Variants in DIS3L2 observed in about 807,000 individuals in gnomAD.
DIS3L2 encodes DIS3 like 3'-5' exoribonuclease 2.
Under a neutral mutation model 97.5 loss-of-function variants are expected in DIS3L2, and 34 were observed. That is an observed-to-expected ratio of 0.35 (90% confidence interval 0.27 to 0.46). The LOEUF (loss-of-function observed/expected upper bound fraction) is 0.46, where lower values mean the gene tolerates loss of function less well. DIS3L2 is among the 20% of genes least tolerant of loss of function. The probability of loss-of-function intolerance (pLI) is 1.00; values close to 1 mark genes in which losing one functional copy is unlikely to be tolerated. For synonymous variants in DIS3L2, 435 were observed against 445.2 expected, an observed-to-expected ratio of 0.98 and a Z score of 0.29; for missense variants, 1,038 against 1,146.0, an observed-to-expected ratio of 0.91 and a Z score of 1.36.
In DIS3L2 at chr2:232,074,510, A is replaced by G. The variant is rs923381419; in HGVS notation, c.367-12977A>G. Reference sequence around the variant, plus strand: ...TATAAAAATGAATGTAATGTGGTTTACTGTCTAGTGGAAGAAAAAATATGC... The same window carrying G: ...TATAAAAATGAATGTAATGTGGTTTGCTGTCTAGTGGAAGAAAAAATATGC... On this transcript the variant is annotated intron_variant, in intron 5 of 20. Transcript: ENST00000325385. Among the ~76,000 whole-genome samples, 14 of 151,594 alleles carry G rather than the reference A, an allele frequency of 9.2e-5. No individual in the cohort carries two copies. In the South Asian group the frequency reaches 1.7e-3, roughly 18 times the overall value.
chr2:232,077,179 C>G (rs1696216279), intron 5 of DIS3L2, among the ~76,000 whole-genome samples: 1 of 152,072 alleles, frequency 6.6e-6, no homozygotes, highest in East Asian at 1.9e-4. Flanking sequence ...ATGGGTCCTG[C>G]TGTAGAGGCC....
intron 14 of DIS3L2, among the ~76,000 whole-genome samples, chr2:232,309,309 A>T (rs1026637827): frequency 6.6e-6 from 1 of 152,166 alleles, no homozygotes; most frequent in Non-Finnish European, 1.5e-5. Context: ...GTCAGTTCAG[A>T]TCTGCAGAGA....
chr2:232,000,676 C>CCTT (rs1231398196), intron 1 of DIS3L2, among the ~76,000 whole-genome samples: 2 of 42,284 alleles, frequency 4.7e-5, no homozygotes, highest in Non-Finnish European at 8.4e-5. Flanking sequence ...TTCTCTCTTT[C>CCTT]TCTCTTTCTG....
At chr2:232,175,614 C>T (rs1043470292) in intron 9 of DIS3L2, among the ~76,000 whole-genome samples, 6 of 151,536 alleles carry the variant, frequency 4.0e-5, no homozygotes, top group Non-Finnish European at 5.9e-5. Context: ...CATGTATGTA[C>T]GGGTTTATTA....
chr2:232,328,174 G>C (rs1263465912), intron 14 of DIS3L2, among the ~76,000 whole-genome samples: 1 of 152,222 alleles, frequency 6.6e-6, no homozygotes, highest in African/African-American at 2.4e-5. Context: ...TACCTGCTGG[G>C]TGTCCTGTGT....
At chr2:232,001,110 A>G (rs1245331974) in intron 1 of DIS3L2, among the ~76,000 whole-genome samples, 3 of 152,030 alleles carry the variant, frequency 2.0e-5, no homozygotes, top group Non-Finnish European at 4.4e-5. Context: ...TTCTGTTTTT[A>G]ATTTTTTGAG....
chr2:232,210,788 A>G (rs1225864987), intron 10 of DIS3L2, among the ~76,000 whole-genome samples: 1 of 150,518 alleles, frequency 6.6e-6, no homozygotes, highest in Non-Finnish European at 1.5e-5. Flanking sequence ...CCTGAATTTA[A>G]CACCAAATAA....
At position 232,163,594 on chromosome 2, in the gene DIS3L2, A is replaced by C; in HGVS notation, c.1086A>C (p.Thr362=). The C allele has an allele frequency of 6.2e-7, 1 of 1,614,014 alleles. No homozygotes were observed. Among genetic ancestry groups the C allele is most frequent in the South Asian group, 1.1e-5 (1 of 91,074 alleles). ...GTCTTCCTCAAGGCCTGCCATGGAC[A>C]ATTCCACCAGAGGAGTTCAGCAAGA... The part of the protein sequence containing the change: ...LECLPQGLPW[T]IPPEEFSKRR... Residue 362 remains threonine, a synonymous_variant, in exon 9 of 21, where the codon ACA becomes ACC. Coordinates refer to ENST00000325385, the MANE Select transcript of DIS3L2 (RefSeq NM_152383.5).
chr2:232,003,384 AT>A (rs982772211), intron 1 of DIS3L2, among the ~76,000 whole-genome samples: 1 of 151,886 alleles, frequency 6.6e-6, no homozygotes, highest in African/African-American at 2.4e-5. Context: ...AATACAGGAA[AT>A]TTTTTTTGGC....
chr2:232,263,317 G>A lies in DIS3L2; in HGVS notation c.1536G>A (p.Glu512=). 3 of 1,614,208 alleles carry A rather than the reference G, an allele frequency of 1.9e-6. No homozygotes were observed. The highest frequency in any genetic ancestry group is 1.3e-5 in the African/African-American group (1 of 75,046). The change falls in exon 13 of 21, where the codon GAG becomes GAA. Residue 512 remains glutamate (E), a synonymous_variant. Transcript: ENST00000325385. Reference sequence around the variant, plus strand: ...CAACTGAGAAAATCCCTGCGAAAGAGCTGCCCCCCATTTCCCCAGAGCATA... The same window carrying A: ...CAACTGAGAAAATCCCTGCGAAAGAACTGCCCCCCATTTCCCCAGAGCATA... The part of the protein sequence containing the change: ...ESPTEKIPAK[E]LPPISPEHSS...
At chr2:232,238,800 C>CTAT (rs1258279255) in intron 11 of DIS3L2, among the ~76,000 whole-genome samples, 155 bp downstream of exon 11, 3 of 152,110 alleles carry the variant, frequency 2.0e-5, no homozygotes, top group Non-Finnish European at 4.4e-5. Context: ...AGTGGCCCTG[C>CTAT]TATATAAGTA....
chr2:231,977,054 C>T (rs1490784570), intron 1 of DIS3L2, among the ~76,000 whole-genome samples: 1 of 152,110 alleles, frequency 6.6e-6, no homozygotes, highest in Non-Finnish European at 1.5e-5. Flanking sequence ...TGTGAGCCAC[C>T]GCGCCCGGCC....
chr2:232,145,108 A>C (rs137923487), intron 8 of DIS3L2, among the ~76,000 whole-genome samples: 128 of 152,210 alleles, frequency 8.4e-4, no homozygotes, highest in African/African-American at 3.0e-3. Context: ...TCACCCATTC[A>C]TTTTAGCATA....
At chr2:232,195,799 C>T (rs899952188) in intron 9 of DIS3L2, among the ~76,000 whole-genome samples, 1 of 152,024 alleles carries the variant, frequency 6.6e-6, no homozygotes, top group African/African-American at 2.4e-5. Flanking sequence ...TCCATAGGAG[C>T]AATTGAGAGG....
At chr2:232,222,794 G>A (rs1692540125) in intron 10 of DIS3L2, among the ~76,000 whole-genome samples, 2 of 152,192 alleles carry the variant, frequency 1.3e-5, no homozygotes, top group Admixed American at 1.3e-4. Context: ...AACTGTCCTT[G>A]TTGTATGATC....
At chr2:232,201,698 T>C (rs970028193) in intron 9 of DIS3L2, among the ~76,000 whole-genome samples, 1 of 152,212 alleles carries the variant, frequency 6.6e-6, no homozygotes. Flanking sequence ...TGTGGTTCTA[T>C]GGAAGAATGC....
intron 16 of DIS3L2, 77 bp from the exon 17 acceptor site, chr2:232,333,763 C>A: frequency 2.1e-4 from 308 of 1,447,198 alleles, no homozygotes; most frequent in Admixed American, 1.3e-3. Flanking sequence ...GACGGTGAGG[C>A]TGTGGGTGGT....
chr2:232,017,591 C>G (rs552631348), intron 3 of DIS3L2, among the ~76,000 whole-genome samples: 3 of 152,248 alleles, frequency 2.0e-5, no homozygotes, highest in African/African-American at 7.2e-5. Flanking sequence ...CATAGGAGGA[C>G]CCATTGTGCC....
intron 16 of DIS3L2, among the ~76,000 whole-genome samples, chr2:232,332,408 C>T (rs1438343003): frequency 3.3e-5 from 5 of 152,138 alleles, no homozygotes; most frequent in Non-Finnish European, 2.9e-5. Context: ...TGGCCAAGGG[C>T]ACAGGAGGGT....
Sources: allele counts gnomAD v4.1 joint callset (sites outside exome capture counted in the v4.1 genomes callset), GRCh38; gene constraint gnomAD v4.1.1; transcripts MANE v1.5; gene names NCBI Gene and HGNC (gene_info 2026-07-23, HGNC 2026-07-21).